Variants in NBAS observed in about 807,000 individuals in gnomAD.
NBAS encodes NBAS subunit of NRZ tethering complex, also known as NAG/BC035112 fusion.
NBAS carries 219 observed loss-of-function variants against 302.5 expected under a neutral mutation model. That is an observed-to-expected ratio of 0.72 (90% CI 0.65 to 0.81). The LOEUF is 0.81. Ranked by LOEUF, NBAS falls within the 30% of genes least tolerant of loss-of-function variation. The pLI is 0.00. For synonymous variants in NBAS, 1,118 were observed against 1,021.6 expected (o/e 1.09, Z -1.80); for missense variants, 2,932 against 2,841.6 (o/e 1.03, Z -0.72).
intron 21 of NBAS, among the ~76,000 whole-genome samples, chr2:15,460,526 A>C (rs1158327311): frequency 6.6e-6 from 1 of 152,184 alleles, no homozygotes; most frequent in Non-Finnish European, 1.5e-5. Context: ...GGTGCCATTC[A>C]GGCCTGGGGC....
intron 50 of NBAS, among the ~76,000 whole-genome samples, chr2:15,184,678 T>C (rs960510622): frequency 2.6e-5 from 4 of 152,266 alleles, no homozygotes; most frequent in African/African-American, 7.2e-5. Context: ...CCTCCTGCAG[T>C]GCAGTCTGGT....
In NBAS at chr2:15,473,089, C is replaced by A; in HGVS notation, c.1725+133G>T. On this transcript the variant is annotated intron_variant, in intron 16 of 51. Transcript: ENST00000281513. ...TCTAACAAAAAGACCATTTTTCCAGCTGAGAAAATTGTACTTCATTGGCTG... is the reference window on the plus strand; with the variant it reads ...TCTAACAAAAAGACCATTTTTCCAGATGAGAAAATTGTACTTCATTGGCTG... The A allele has an allele frequency of 2.9e-6, 3 of 1,022,820 alleles. 1 individual carries two copies. Among genetic ancestry groups the A allele is most frequent in the South Asian group, 2.9e-5 (2 of 67,912 alleles). 63.4% of individuals were successfully genotyped at this position (1,022,820 alleles called of 1,614,324 possible).
At chr2:14,807,823 C>T in the NBAS span, among the ~76,000 whole-genome samples, 1 of 152,218 alleles carries the variant, frequency 6.6e-6, no homozygotes, top group East Asian at 1.9e-4. Flanking sequence ...AACAAACGCT[C>T]TGAAGATAAT....
the NBAS span, among the ~76,000 whole-genome samples, chr2:15,039,254 G>A: frequency 0.82 from 125,257 of 152,170 alleles, 51,901 homozygotes; most frequent in East Asian, 1. Flanking sequence ...AGCTATTGGC[G>A]TTGCTGCGGT....
At chr2:15,275,872 A>G (rs1378492840) in intron 43 of NBAS, 54 bp from the exon 44 acceptor site, 1 of 1,511,744 alleles carries the variant, frequency 6.6e-7, no homozygotes, top group Non-Finnish European at 9.1e-7. Flanking sequence ...GTAAACATAG[A>G]GTCACTTTCA....
At chr2:15,245,273 A>G (rs1668041553) in intron 44 of NBAS, among the ~76,000 whole-genome samples, 1 of 149,282 alleles carries the variant, frequency 6.7e-6, no homozygotes, top group Non-Finnish European at 1.5e-5. Context: ...CTGCCTTCAC[A>G]CTCTCAGGCC....
chr2:14,978,219 C>T, the NBAS span, among the ~76,000 whole-genome samples: 9 of 152,284 alleles, frequency 5.9e-5, no homozygotes, highest in South Asian at 1.0e-3. Flanking sequence ...TCCAAGACAG[C>T]GTAATTCTCT....
chr2:15,157,549 C>A, the NBAS span, among the ~76,000 whole-genome samples: 1 of 152,200 alleles, frequency 6.6e-6, no homozygotes, highest in Non-Finnish European at 1.5e-5. Context: ...CAGAATTCCC[C>A]TCCCCGGGGT....
the NBAS span, among the ~76,000 whole-genome samples, chr2:14,782,219 G>C: frequency 2.4e-4 from 36 of 152,110 alleles, 1 homozygote; most frequent in Middle Eastern, 6.8e-3. Flanking sequence ...ACATGCATCT[G>C]CTTCCTAAGC....
the NBAS span, among the ~76,000 whole-genome samples, chr2:15,127,625 G>A: frequency 2.0e-5 from 3 of 152,162 alleles, no homozygotes; most frequent in South Asian, 4.2e-4. Context: ...GACCTAATTC[G>A]ACATCTCTAC....
chr2:15,422,548 TA>T (rs547724335), intron 23 of NBAS, among the ~76,000 whole-genome samples: 51 of 146,150 alleles, frequency 3.5e-4, no homozygotes, highest in Admixed American at 3.4e-4. Context: ...TAGTTGATTG[TA>T]AAAAAAAAAA....
intron 40 of NBAS, among the ~76,000 whole-genome samples, chr2:15,296,640 G>A (rs1670562724): frequency 3.9e-5 from 6 of 152,086 alleles, no homozygotes; most frequent in Admixed American, 3.9e-4. Flanking sequence ...AGACCAGCCT[G>A]GGCAACATAG....
At chr2:15,316,203 C>A (rs1364057668) in intron 38 of NBAS, among the ~76,000 whole-genome samples, 1 of 152,146 alleles carries the variant, frequency 6.6e-6, no homozygotes. Context: ...ATTGTCTAAA[C>A]AAGTTATATG....
At chr2:15,158,318 G>A in the NBAS span, among the ~76,000 whole-genome samples, 1 of 152,178 alleles carries the variant, frequency 6.6e-6, no homozygotes, top group Non-Finnish European at 1.5e-5. Flanking sequence ...GGTTGGGGTT[G>A]CTTTTCTCTC....
At chr2:15,368,848 C>T (rs764276884) in intron 31 of NBAS, among the ~76,000 whole-genome samples, 2 of 152,110 alleles carry the variant, frequency 1.3e-5, no homozygotes, top group Admixed American at 6.5e-5. Context: ...GTGACAAGAC[C>T]GTGTCTCAAG....
At chr2:15,189,347 T>C (rs964071530) in intron 49 of NBAS, among the ~76,000 whole-genome samples, 1 of 152,182 alleles carries the variant, frequency 6.6e-6, no homozygotes, top group East Asian at 1.9e-4. Context: ...TTCCAGATAT[T>C]TGTTGGCAGT....
intron 45 of NBAS, 79 bp downstream of exon 45, chr2:15,238,389 A>G: frequency 2.1e-6 from 3 of 1,428,306 alleles, no homozygotes; most frequent in Non-Finnish European, 2.9e-6. Context: ...CCCTGTCAAA[A>G]CGACTAATGT....
At chr2:15,511,848 G>A (rs1381109157) in intron 9 of NBAS, among the ~76,000 whole-genome samples, 1 of 152,210 alleles carries the variant, frequency 6.6e-6, no homozygotes, top group Non-Finnish European at 1.5e-5. Flanking sequence ...CACACTATGA[G>A]TGGTTCACTT....
At chr2:15,425,872 C>T (rs73200618) in intron 22 of NBAS, among the ~76,000 whole-genome samples, 2,800 of 152,250 alleles carry the variant, frequency 0.018, 80 homozygotes, top group African/African-American at 0.063. Context: ...TCTGGAAATG[C>T]CCTTTGCCCC....
Sources: gnomAD v4.1 joint callset for allele counts (sites outside exome capture counted in the v4.1 genomes callset) on GRCh38, gnomAD v4.1.1 for gene constraint, MANE v1.5 for transcripts, NCBI Gene and HGNC (gene_info 2026-07-23, HGNC 2026-07-21) for gene names.